CERT1: variants seen among roughly 807,000 people sequenced by gnomAD.
The protein encoded by CERT1 is ceramide transporter 1, also known as ceramide transfer protein.
In CERT1, 31 loss-of-function variants were observed where a neutral mutation model predicts 87.9. The ratio of observed to expected loss-of-function variants is 0.35; its 90% CI spans 0.27 to 0.48. The LOEUF (loss-of-function observed/expected upper bound fraction) is 0.48. CERT1 is among the 20% of genes least tolerant of loss of function. The pLI, the probability that CERT1 is intolerant of heterozygous loss-of-function variation, is 0.99. For synonymous variants in CERT1, 289 were observed against 250.9 expected (o/e 1.15, Z -1.44); for missense variants, 487 against 758.0 (o/e 0.64, Z 4.20).
Position 75,434,903 on chromosome 5 carries a change from T to C in CERT1, c.349-8425A>G, listed in dbSNP as rs149211866. Among the ~76,000 whole-genome samples, 103 of 152,222 alleles carry C rather than the reference T, an allele frequency of 6.8e-4. 1 individual carries two copies. The highest frequency in any genetic ancestry group is 2.4e-3 in the African/African-American group (100 of 41,544). The stretch of plus-strand genomic sequence containing the variant: ...TTTTCATTAGTAGTCTAGCTAGAAG[T>C]CTATCAATCTTATTTTTCCAAAGAA... On this transcript the variant is annotated intron_variant, in intron 3 of 16. Coordinates refer to ENST00000643780, the MANE Select transcript of CERT1 (RefSeq NM_001379029.1).
chr5:75,470,826 T>C (rs1039474552), intron 2 of CERT1, among the ~76,000 whole-genome samples: 2 of 152,116 alleles, frequency 1.3e-5, no homozygotes, highest in Admixed American at 6.5e-5. Flanking sequence ...GACCCTTATA[T>C]ATAGAAAACC....
intron 2 of CERT1, among the ~76,000 whole-genome samples, chr5:75,485,325 A>AAAAAAAAAAAAAAAG: frequency 2.7e-5 from 4 of 148,752 alleles, no homozygotes; most frequent in African/African-American, 4.9e-5. Context: ...AAAAAAAAAA[A>AAAAAAAAAAAAAAAG]AAAAAAAAAA....
chr5:75,442,703 A>G (rs1468173529), intron 3 of CERT1, among the ~76,000 whole-genome samples: 1 of 152,124 alleles, frequency 6.6e-6, no homozygotes, highest in African/African-American at 2.4e-5. Context: ...TTACTTGTGG[A>G]AATTCTGATC....
chr5:75,395,985 TCAGA>T (rs1438076715), intron 11 of CERT1, among the ~76,000 whole-genome samples: 1 of 152,250 alleles, frequency 6.6e-6, no homozygotes, highest in Non-Finnish European at 1.5e-5. Context: ...TATCTGCCCA[TCAGA>T]CAGATTCATG....
chr5:75,394,649 C>T (rs1406330413), intron 11 of CERT1, among the ~76,000 whole-genome samples: 1 of 152,092 alleles, frequency 6.6e-6, no homozygotes, highest in African/African-American at 2.4e-5. Flanking sequence ...CGCTTGAGTC[C>T]AGGAGGTCAA....
At chr5:75,370,059 C>G (rs961518977) in intron 17 of CERT1, 2 of 152,154 alleles carry the variant, frequency 1.3e-5, no homozygotes, top group Non-Finnish European at 2.9e-5. Flanking sequence ...AAAGTCAAGT[C>G]TAAAGAAAAA....
intron 1 of CERT1, among the ~76,000 whole-genome samples, chr5:75,507,008 A>G (rs1003883533): frequency 6.6e-6 from 1 of 152,226 alleles, no homozygotes; most frequent in African/African-American, 2.4e-5. Context: ...CCAAAAACTA[A>G]TTAAAAATGG....
rs146598064 is a variant in CERT1, at chr5:75,507,442, C to T, written c.97-1326G>A. On this transcript the variant is annotated intron_variant, in intron 1 of 16. Coordinates refer to ENST00000643780, the MANE Select transcript of CERT1 (RefSeq NM_001379029.1). The stretch of plus-strand genomic sequence containing the variant: ...ATTTTTCTAAGCCCCATCATTACAA[C>T]CACTCTCTGAGAACTCACCCAAGCC... Among the ~76,000 whole-genome samples, 314 of 152,242 alleles carry T rather than the reference C, an allele frequency of 2.1e-3. 1 individual carries two copies. The East Asian group carries it at 0.027, about 13-fold the overall frequency.
rs1761609736 is a variant in CERT1, at chr5:75,382,077, T to G, written c.1489A>C (p.Arg497=). 3 of 1,610,540 alleles carry G rather than the reference T, an allele frequency of 1.9e-6. No individual in the cohort carries two copies. The highest frequency in any genetic ancestry group is 2.5e-6 in the Non-Finnish European group (3 of 1,178,452). ...NAIIIYQTHK[R]VWPASQRDVL... ...TCTCGCTGAGAAGCAGGCCACACCC[T>G]CTGTGGAGAAGTAAAAATCTTTTGA... Residue 497 remains arginine (R), a splice_region_variant and synonymous_variant, in exon 15 of 17, where the codon AGG becomes CGG. Coordinates refer to ENST00000643780, the MANE Select transcript of CERT1 (RefSeq NM_001379029.1).
chr5:75,490,017 T>TA (rs1325755167), intron 2 of CERT1, among the ~76,000 whole-genome samples: 1 of 152,082 alleles, frequency 6.6e-6, no homozygotes, highest in African/African-American at 2.4e-5. Flanking sequence ...TATGCAGCCA[T>TA]AAAAAAGAAT....
At position 75,399,242 on chromosome 5, in the gene CERT1, G is replaced by A. The variant is rs1232558895; in HGVS notation, c.1188+68C>T. ...AGTGGCCTAACCAAAAGATTTCTAG[G>A]AACTGGGAAAGCAGGCTGAAATATA... On this transcript the variant is annotated intron_variant, in intron 11 of 16. Transcript: ENST00000643780. The A allele has an allele frequency of 3.4e-6, 4 of 1,187,518 alleles. No homozygotes were observed. The Admixed American group carries it at 7.0e-5, about 21-fold the overall frequency. 73.6% of individuals were successfully genotyped at this position (1,187,518 alleles called of 1,614,324 possible). A position where few individuals can be genotyped will look rare whatever the true frequency, so the allele number is the denominator to read the frequency against.
intron 11 of CERT1, among the ~76,000 whole-genome samples, chr5:75,390,621 A>C (rs1414216188): frequency 6.6e-6 from 1 of 152,232 alleles, no homozygotes; most frequent in Non-Finnish European, 1.5e-5. Context: ...GATTGCGGAA[A>C]CAAAGTAATT....
chr5:75,511,672 A>T, upstream of CERT1: 5 of 1,481,740 alleles, frequency 3.4e-6, no homozygotes, highest in Non-Finnish European at 4.5e-6. Flanking sequence ...TCGTCCTCCC[A>T]TTCTCCCCCA....
intron 2 of CERT1, among the ~76,000 whole-genome samples, chr5:75,500,034 G>A (rs1251764302): frequency 1.3e-5 from 2 of 152,168 alleles, no homozygotes; most frequent in Non-Finnish European, 2.9e-5. Flanking sequence ...ATAAATAGGG[G>A]AAATCTGGAA....
intron 3 of CERT1, 29 bp from the exon 4 acceptor site, chr5:75,426,507 G>T (rs139392354): frequency 6.8e-7 from 1 of 1,479,982 alleles, no homozygotes; most frequent in Non-Finnish European, 9.4e-7. Context: ...TATGTGAAAA[G>T]AATTTAAATA....
intron 2 of CERT1, among the ~76,000 whole-genome samples, chr5:75,476,911 G>A (rs1022890258): frequency 1.3e-5 from 2 of 151,884 alleles, no homozygotes; most frequent in Non-Finnish European, 2.9e-5. Flanking sequence ...CTCCGAGATG[G>A]GGGAAAAAAA....
chr5:75,406,545 T>G (rs975641903), intron 8 of CERT1, among the ~76,000 whole-genome samples: 2 of 150,476 alleles, frequency 1.3e-5, no homozygotes, highest in Non-Finnish European at 3.0e-5. Context: ...GGTAAGTCTT[T>G]TTTTTTTTTT....
chr5:75,438,850 A>G (rs1764195730), intron 3 of CERT1, among the ~76,000 whole-genome samples: 1 of 151,998 alleles, frequency 6.6e-6, no homozygotes, highest in African/African-American at 2.4e-5. Context: ...AACACCTCCT[A>G]CCCAGATCAA....
intron 2 of CERT1, among the ~76,000 whole-genome samples, chr5:75,468,632 G>C (rs1379922842): frequency 6.6e-6 from 1 of 152,098 alleles, no homozygotes; most frequent in Non-Finnish European, 1.5e-5. Context: ...TAACAGGTAG[G>C]CCTCATGATT....
Sources: allele counts gnomAD v4.1 joint callset (sites outside exome capture counted in the v4.1 genomes callset), GRCh38; gene constraint gnomAD v4.1.1; transcripts MANE v1.5; gene names NCBI Gene and HGNC (gene_info 2026-07-23, HGNC 2026-07-21).